Variants in CACNA2D4 observed in about 807,000 individuals in gnomAD.
CACNA2D4 encodes calcium voltage-gated channel auxiliary subunit alpha2delta 4, also known as voltage-dependent calcium channel subunit alpha-2/delta-4.
A neutral mutation model predicts 163.8 loss-of-function variants in CACNA2D4; 157 were observed. That is an observed-to-expected ratio of 0.96 (90% CI 0.84 to 1.09). The LOEUF is 1.09. Among genes scored for constraint, CACNA2D4 ranks in the 50% least tolerant of loss-of-function variants. The pLI, the probability that CACNA2D4 is intolerant of heterozygous loss-of-function variation, is 0.00. For missense variants in CACNA2D4, 1,410 were observed against 1,479.9 expected, an observed-to-expected ratio of 0.95 and a Z score of 0.78; for synonymous variants, 598 against 586.9, an observed-to-expected ratio of 1.02 and a Z score of -0.27.
intron 18 of CACNA2D4, among the ~76,000 whole-genome samples, chr12:1,862,223 T>C (rs1865540472): frequency 6.6e-6 from 1 of 152,230 alleles, no homozygotes; most frequent in Non-Finnish European, 1.5e-5. Context: ...GCATTTCTCT[T>C]GGTAAAAATC....
intron 18 of CACNA2D4, among the ~76,000 whole-genome samples, chr12:1,861,948 T>C (rs555489496): frequency 7.2e-5 from 11 of 152,228 alleles, no homozygotes; most frequent in Non-Finnish European, 1.2e-4. Flanking sequence ...TCACCATAGA[T>C]TGGTTTTGCC....
Position 1,827,880 on chromosome 12 carries a change from C to T in CACNA2D4, c.2551+12859G>A, listed in dbSNP as rs142445537. The T allele has an allele frequency of 2.1e-3, 807 of 385,768 alleles. 7 individuals carry two copies. The East Asian group carries it at 0.024, about 11-fold the overall frequency. 23.9% of individuals were successfully genotyped at this position (385,768 alleles called of 1,614,324 possible). A position where few individuals can be genotyped will look rare whatever the true frequency, so the allele number is the denominator to read the frequency against. On this transcript the variant is annotated intron_variant, in intron 26 of 37. Transcript: ENST00000382722. ...CCCGACCCTCGGGCTCCTGGAAAGC[C>T]GAAGCCTGCCCCGCCCCCATCCCAG...
rs778114582 is a variant in CACNA2D4, at chr12:1,875,437, A to C, written c.1720-100T>G. ...CTTTCAGGTATATTCATAAAAGCAA[A>C]GGATTCCTTAGAAATCAATCAATCC... On this transcript the variant is annotated intron_variant, in intron 16 of 37. Coordinates refer to ENST00000382722, the MANE Select transcript of CACNA2D4 (RefSeq NM_172364.5). This position sits in a 1 kb window ranked among gnomAD's most constrained non-coding sequence, Gnocchi z 4.0. The C allele has an allele frequency of 1.5e-4, 117 of 774,942 alleles. No individual in the cohort carries two copies. Among genetic ancestry groups the C allele is most frequent in the Non-Finnish European group, 2.3e-4 (101 of 438,486 alleles). 48.0% of individuals were successfully genotyped at this position (774,942 alleles called of 1,614,324 possible).
intron 26 of CACNA2D4, 120 bp downstream of exon 26, chr12:1,840,619 C>T (rs1362860248): frequency 4.0e-6 from 3 of 748,464 alleles, no homozygotes; most frequent in South Asian, 1.7e-5. Flanking sequence ...ACCCATCCCA[C>T]ATTCCACCGG....
intron 29 of CACNA2D4, among the ~76,000 whole-genome samples, chr12:1,803,877 CT>C (rs1171368120): frequency 6.6e-6 from 1 of 152,214 alleles, no homozygotes; most frequent in Non-Finnish European, 1.5e-5. Flanking sequence ...AAACCGGCAC[CT>C]CCTACGGTGG....
intron 4 of CACNA2D4, 31 bp from the exon 5 acceptor site, chr12:1,908,068 G>A: frequency 1.9e-6 from 3 of 1,590,374 alleles, no homozygotes; most frequent in Non-Finnish European, 2.6e-6. Context: ...CCACGGAGGC[G>A]GCCCGAGCAC....
At chr12:1,860,829 T>C (rs538770587) in intron 18 of CACNA2D4, among the ~76,000 whole-genome samples, 2 of 151,866 alleles carry the variant, frequency 1.3e-5, no homozygotes, top group Non-Finnish European at 2.9e-5. Context: ...TTACTTTGTA[T>C]AAACTAGGGC....
At chr12:1,881,454 C>T (rs992610404) in intron 13 of CACNA2D4, among the ~76,000 whole-genome samples, 2 of 152,226 alleles carry the variant, frequency 1.3e-5, no homozygotes, top group South Asian at 2.1e-4. Context: ...TGAAAGCCTT[C>T]GCTTTCCAGC....
At chr12:1,906,801 C>T (rs1336222690) in intron 6 of CACNA2D4, among the ~76,000 whole-genome samples, 1 of 152,236 alleles carries the variant, frequency 6.6e-6, no homozygotes, top group African/African-American at 2.4e-5. Flanking sequence ...GATTGACTTT[C>T]CAGCCTGTGG....
In CACNA2D4 at chr12:1,799,549, A is replaced by T; in HGVS notation, c.2995+126T>A. ...CCCCAACCCCCAGGAATGGTACTTT[A>T]AACCAGGAGAGCTCAGCCCTGCTTG... On this transcript the variant is annotated intron_variant, in intron 34 of 37. Coordinates refer to ENST00000382722, the MANE Select transcript of CACNA2D4 (RefSeq NM_172364.5). The surrounding 1 kb of genome is among the most constrained non-coding windows in gnomAD (Gnocchi z 4.7). 9.9e-7 allele frequency: 1 copy of T among 1,011,800 alleles called. No homozygotes were observed. Among genetic ancestry groups the T allele is most frequent in the Non-Finnish European group, 1.5e-6 (1 of 671,132 alleles). The allele number at this position is 1,011,800 out of a possible 1,614,324, so 62.7% of individuals were successfully genotyped here. A position where few individuals can be genotyped will look rare whatever the true frequency, so the allele number is the denominator to read the frequency against.
At chr12:1,857,972 G>A (rs938882529) in intron 20 of CACNA2D4, among the ~76,000 whole-genome samples, 14 of 152,212 alleles carry the variant, frequency 9.2e-5, no homozygotes, top group African/African-American at 3.4e-4. Flanking sequence ...ACGGGATCAG[G>A]GAGCAGAGAC....
Position 1,838,196 on chromosome 12 carries a change from G to A in CACNA2D4, c.2551+2543C>T, listed in dbSNP as rs1054410455. Among the ~76,000 whole-genome samples the A allele has an allele frequency of 9.2e-5, 14 of 152,320 alleles. No individual in the cohort carries two copies. In the South Asian group the frequency reaches 2.3e-3, roughly 25 times the overall value. On this transcript the variant is annotated intron_variant, in intron 26 of 37. Transcript: ENST00000382722. ...ATAAACCACCTGCTTAGGGATGAACGCGATCTCTACTGGTCCGCTGCCCTC... is the reference window on the plus strand; with the variant it reads ...ATAAACCACCTGCTTAGGGATGAACACGATCTCTACTGGTCCGCTGCCCTC...
intron 29 of CACNA2D4, among the ~76,000 whole-genome samples, chr12:1,808,864 C>T (rs557167628): frequency 1.6e-4 from 24 of 152,186 alleles, no homozygotes; most frequent in South Asian, 8.3e-4. Flanking sequence ...TACAAAGGTC[C>T]GGTGCTCTGT....
At position 1,833,025 on chromosome 12, in the gene CACNA2D4, T is replaced by C. The variant is rs148325983; in HGVS notation, c.2551+7714A>G. ...CGAGGTGTCAGCCGCACAGGGGAACTAGGCCGGGTGTCTTCAGACCCTCCT... is the reference window on the plus strand; with the variant it reads ...CGAGGTGTCAGCCGCACAGGGGAACCAGGCCGGGTGTCTTCAGACCCTCCT... On this transcript the variant is annotated intron_variant, in intron 26 of 37. Transcript: ENST00000382722. The surrounding 1 kb of genome is among the most constrained non-coding windows in gnomAD (Gnocchi z 4.2). Among the ~76,000 whole-genome samples, 4 of 152,248 alleles carry C rather than the reference T, an allele frequency of 2.6e-5. No homozygotes were observed. In the East Asian group the frequency reaches 7.7e-4, roughly 29 times the overall value.
intron 37 of CACNA2D4, chr12:1,794,926 A>AG: frequency 2.4e-6 from 1 of 421,944 alleles, no homozygotes; most frequent in African/African-American, 2.0e-5. Flanking sequence ...CATCCTGTCT[A>AG]GGGCCCCCAG....
rs2056114709 is a variant in CACNA2D4, at chr12:1,843,355, T to A, written c.2470+1047A>T. 6.6e-6 allele frequency among the ~76,000 whole-genome samples: 1 copy of A among 152,030 alleles called. No individual in the cohort carries two copies. On this transcript the variant is annotated intron_variant, in intron 25 of 37. Coordinates refer to ENST00000382722, the MANE Select transcript of CACNA2D4 (RefSeq NM_172364.5). The surrounding 1 kb of genome is among the most constrained non-coding windows in gnomAD (Gnocchi z 4.6). ...GACGCTTGAGGATGGTTTGGCAAAG[T>A]GGTGGTGGAAGGCCTTTGGCAGAAG...
rs375953804 is a variant in CACNA2D4, at chr12:1,831,312, A to C, written c.2551+9427T>G. The stretch of plus-strand genomic sequence containing the variant: ...GCTGCTCCGCCACCTGGACCTGTCC[A>C]TCAACGGCCTGGCCCAGTTGCCCCC... On this transcript the variant is annotated intron_variant, in intron 26 of 37. Transcript: ENST00000382722. 2 of 1,613,812 alleles carry C rather than the reference A, an allele frequency of 1.2e-6. No homozygotes were observed. Among genetic ancestry groups the C allele is most frequent in the Non-Finnish European group, 1.7e-6 (2 of 1,180,026 alleles).
At chr12:1,859,292 G>A (rs1187971129) in intron 19 of CACNA2D4, among the ~76,000 whole-genome samples, 5 of 152,136 alleles carry the variant, frequency 3.3e-5, no homozygotes, top group African/African-American at 1.2e-4. Context: ...CCGGGAGGTG[G>A]AGGCTGTAGT....
intron 26 of CACNA2D4, among the ~76,000 whole-genome samples, chr12:1,830,177 G>C (rs1409239503): frequency 6.6e-6 from 1 of 152,264 alleles, no homozygotes; most frequent in Admixed American, 6.5e-5. Context: ...GGGGGTTAAA[G>C]TGGAATGTGT....
Sources: allele counts gnomAD v4.1 joint callset (sites outside exome capture counted in the v4.1 genomes callset), GRCh38; gene constraint gnomAD v4.1.1; non-coding constraint Gnocchi (gnomAD v3.1); transcripts MANE v1.5; gene names NCBI Gene and HGNC (gene_info 2026-07-23, HGNC 2026-07-21).